The following SLC35F1 variants were observed in gnomAD, a reference collection of about 807,000 sequenced individuals.
SLC35F1 encodes the protein chromosome 6 open reading frame 169.
Under a neutral mutation model 48.7 loss-of-function variants are expected in SLC35F1, and 14 were observed. The ratio of observed to expected loss-of-function variants is 0.29; its 90% CI spans 0.19 to 0.45. The LOEUF is 0.45. Among genes scored for constraint, SLC35F1 ranks in the 20% least tolerant of loss-of-function variants. The pLI is 1.00. For synonymous variants in SLC35F1, 190 were observed against 202.2 expected, an observed-to-expected ratio of 0.94 and a Z score of 0.51; for missense variants, 404 against 500.0, an observed-to-expected ratio of 0.81 and a Z score of 1.83.
chr6:118,288,396 G>T (rs1160263025), intron 7 of SLC35F1, among the ~76,000 whole-genome samples: 1 of 152,164 alleles, frequency 6.6e-6, no homozygotes, highest in Non-Finnish European at 1.5e-5. Flanking sequence ...ATCAATATAT[G>T]TAAGATTTAC....
intron 1 of SLC35F1, among the ~76,000 whole-genome samples, chr6:117,945,496 G>A (rs1226129020): frequency 6.6e-6 from 1 of 152,116 alleles, no homozygotes; most frequent in Non-Finnish European, 1.5e-5. Flanking sequence ...CATATTATGG[G>A]TATATAATAC....
rs1251001655 is a variant in SLC35F1 at position 118,315,229 on chromosome 6, A to G, written c.*977A>G. 1 of 152,572 alleles carries G rather than the reference A, an allele frequency of 6.6e-6. No homozygotes were observed. Among genetic ancestry groups the G allele is most frequent in the African/African-American group, 2.4e-5 (1 of 41,422 alleles). The allele number at this position is 152,572 out of a possible 1,614,324, so 9.5% of individuals were successfully genotyped here. A position where few individuals can be genotyped will look rare whatever the true frequency, so the allele number is the denominator to read the frequency against. ...TTCTGTGACACCTTTTTAAAAATAC[A>G]CCAGCATGGAAATTACCTTTATTGT... On this transcript the variant is annotated 3_prime_UTR_variant, in exon 8 of 8. Transcript: ENST00000360388.
intron 1 of SLC35F1, among the ~76,000 whole-genome samples, chr6:117,946,385 G>A (rs931532008): frequency 6.6e-6 from 1 of 152,132 alleles, no homozygotes; most frequent in East Asian, 1.9e-4. Context: ...GGCTGATTTT[G>A]TGCTTCTTAG....
chr6:117,940,085 A>G (rs942788213), intron 1 of SLC35F1, among the ~76,000 whole-genome samples: 1 of 152,188 alleles, frequency 6.6e-6, no homozygotes, highest in African/African-American at 2.4e-5. Flanking sequence ...AACCAAGTAC[A>G]TGGAGGCACT....
chr6:118,280,159 C>A (rs1473469713), intron 6 of SLC35F1, among the ~76,000 whole-genome samples: 1 of 152,116 alleles, frequency 6.6e-6, no homozygotes, highest in East Asian at 1.9e-4. Context: ...AACAGAAAGA[C>A]TGATTGTGAT....
At chr6:118,259,604 A>G (rs1324653119) in intron 3 of SLC35F1, among the ~76,000 whole-genome samples, 1 of 151,762 alleles carries the variant, frequency 6.6e-6, no homozygotes, top group Non-Finnish European at 1.5e-5. Context: ...AAAATGGCCA[A>G]TAAGCATACT....
intron 2 of SLC35F1, among the ~76,000 whole-genome samples, chr6:118,189,943 C>T (rs1047004232): frequency 1.3e-5 from 2 of 152,114 alleles, no homozygotes; most frequent in Non-Finnish European, 2.9e-5. Flanking sequence ...CTGGGATTGG[C>T]CAAGACTCAG....
chr6:118,266,939 A>C, intron 3 of SLC35F1, 56 bp from the exon 4 acceptor site: 3 of 1,595,876 alleles, frequency 1.9e-6, no homozygotes, highest in Non-Finnish European at 2.6e-6. Context: ...TCCCTACTAC[A>C]TGGAATGCTT....
At chr6:118,300,277 G>T (rs1354536963) in intron 7 of SLC35F1, among the ~76,000 whole-genome samples, 2 of 152,096 alleles carry the variant, frequency 1.3e-5, no homozygotes, top group South Asian at 2.1e-4. Flanking sequence ...ATCTAGAGCC[G>T]ATTTAAAGTA....
chr6:117,971,550 G>A (rs1222086940), intron 1 of SLC35F1, among the ~76,000 whole-genome samples: 2 of 152,254 alleles, frequency 1.3e-5, no homozygotes. Flanking sequence ...CCCTAGCAGA[G>A]GCTCTCCATG....
chr6:117,992,471 G>A (rs1402610669), intron 1 of SLC35F1, among the ~76,000 whole-genome samples: 1 of 151,980 alleles, frequency 6.6e-6, no homozygotes, highest in African/African-American at 2.4e-5. Flanking sequence ...TTCGCCTCTT[G>A]TCTTCTCTCA....
At chr6:118,021,647 A>G (rs1314492019) in intron 1 of SLC35F1, among the ~76,000 whole-genome samples, 1 of 152,212 alleles carries the variant, frequency 6.6e-6, no homozygotes, top group African/African-American at 2.4e-5. Flanking sequence ...ATTTATGCCC[A>G]TGGAATTCTG....
chr6:118,146,297 C>T (rs753508140), intron 1 of SLC35F1, among the ~76,000 whole-genome samples: 15 of 152,266 alleles, frequency 9.9e-5, no homozygotes, highest in Admixed American at 2.6e-4. Flanking sequence ...GTCTTTTGCT[C>T]GAAAATGTCA....
At chr6:118,065,841 AATC>A (rs2114283860) in intron 1 of SLC35F1, among the ~76,000 whole-genome samples, 1 of 152,344 alleles carries the variant, frequency 6.6e-6, no homozygotes, top group East Asian at 1.9e-4. Flanking sequence ...AAAGTAGATA[AATC>A]ATCACTAGTG....
chr6:118,101,352 G>T (rs1286778162), intron 1 of SLC35F1, among the ~76,000 whole-genome samples: 1 of 152,164 alleles, frequency 6.6e-6, no homozygotes, highest in Non-Finnish European at 1.5e-5. Context: ...AGGGAGTGAG[G>T]ATCTGCTGTG....
chr6:118,150,028 T>C (rs1272469602), intron 1 of SLC35F1, among the ~76,000 whole-genome samples: 2 of 152,164 alleles, frequency 1.3e-5, no homozygotes, highest in African/African-American at 4.8e-5. Flanking sequence ...AAAGTTGAGA[T>C]TTGGAACCAC....
intron 2 of SLC35F1, among the ~76,000 whole-genome samples, chr6:118,213,317 T>C (rs536397953): frequency 6.6e-6 from 1 of 152,322 alleles, no homozygotes; most frequent in East Asian, 1.9e-4. Flanking sequence ...GAGATTATCC[T>C]CTTTGTTTGT....
intron 7 of SLC35F1, among the ~76,000 whole-genome samples, chr6:118,299,584 A>G (rs1416697656): frequency 6.6e-6 from 1 of 152,260 alleles, no homozygotes; most frequent in Non-Finnish European, 1.5e-5. Flanking sequence ...AAGCAGATCT[A>G]TTAACTACTG....
intron 1 of SLC35F1, among the ~76,000 whole-genome samples, chr6:118,149,124 G>A (rs1441048948): frequency 6.6e-6 from 1 of 152,160 alleles, no homozygotes; most frequent in Non-Finnish European, 1.5e-5. Context: ...GAGCTTATGA[G>A]CTACACAATA....
Sources: gnomAD v4.1 joint callset for allele counts (sites outside exome capture counted in the v4.1 genomes callset) on GRCh38, gnomAD v4.1.1 for gene constraint, MANE v1.5 for transcripts, NCBI Gene and HGNC (gene_info 2026-07-23, HGNC 2026-07-21) for gene names.